SPMIP3: variants seen among roughly 807,000 people sequenced by gnomAD.
SPMIP3 encodes sperm microtubule inner protein 3.
the SPMIP3 span, among the ~76,000 whole-genome samples, chr1:244,360,439 T>A: frequency 6.7e-6 from 1 of 149,700 alleles, no homozygotes; most frequent in African/African-American, 2.5e-5. Flanking sequence ...GCAGCACTAT[T>A]CACAATAGCC....
the SPMIP3 span, among the ~76,000 whole-genome samples, chr1:244,373,441 T>C: frequency 7.2e-3 from 1,071 of 148,488 alleles, 11 homozygotes; most frequent in African/African-American, 0.025. Context: ...AGTTAGAGGC[T>C]ACAGTGAGCT....
chr1:244,354,410 G>A, the SPMIP3 span, among the ~76,000 whole-genome samples: 1 of 144,518 alleles, frequency 6.9e-6, no homozygotes, highest in Non-Finnish European at 1.5e-5. Context: ...AGGCTGGAGT[G>A]CAATGGCATA....
chr1:244,358,640 C>T, the SPMIP3 span, among the ~76,000 whole-genome samples: 5 of 149,986 alleles, frequency 3.3e-5, no homozygotes, highest in African/African-American at 1.0e-4. Flanking sequence ...TATATATATA[C>T]ACACACATAT....
At chr1:244,364,724 A>C in the SPMIP3 span, 6 of 1,613,962 alleles carry the variant, frequency 3.7e-6, no homozygotes, top group Non-Finnish European at 3.4e-6. Context: ...GACTACGAGA[A>C]TTTATTGAGC....
the SPMIP3 span, among the ~76,000 whole-genome samples, chr1:244,372,716 T>A: frequency 6.6e-6 from 1 of 152,168 alleles, no homozygotes; most frequent in Non-Finnish European, 1.5e-5. Context: ...GTGCTGGGAT[T>A]ACAGGCGCGA....
chr1:244,387,577 T>C, the SPMIP3 span, among the ~76,000 whole-genome samples: 23 of 152,312 alleles, frequency 1.5e-4, no homozygotes, highest in African/African-American at 5.5e-4. Flanking sequence ...TTCCTGGCTG[T>C]GTGGCCCTGG....
chr1:244,387,106 T>C, the SPMIP3 span, among the ~76,000 whole-genome samples: 975 of 152,256 alleles, frequency 6.4e-3, 7 homozygotes, highest in Non-Finnish European at 0.01. Flanking sequence ...AGTTCGAGAC[T>C]AGCCTGGCCA....
chr1:244,365,487 T>C, the SPMIP3 span, among the ~76,000 whole-genome samples: 1 of 152,204 alleles, frequency 6.6e-6, no homozygotes, highest in Non-Finnish European at 1.5e-5. Flanking sequence ...TCCTTTGCCT[T>C]CTGCCATGAT....
At chr1:244,385,294 C>T in the SPMIP3 span, among the ~76,000 whole-genome samples, 1 of 152,116 alleles carries the variant, frequency 6.6e-6, no homozygotes, top group Admixed American at 6.6e-5. Context: ...TAAATATAGA[C>T]CATGATAGAT....
At chr1:244,374,480 C>A in the SPMIP3 span, among the ~76,000 whole-genome samples, 6 of 151,970 alleles carry the variant, frequency 3.9e-5, no homozygotes, top group East Asian at 1.9e-4. Context: ...GTAGAAAAAA[C>A]CAGTATAATG....
At chr1:244,358,306 G>A in the SPMIP3 span, among the ~76,000 whole-genome samples, 54 of 151,804 alleles carry the variant, frequency 3.6e-4, no homozygotes, top group Admixed American at 2.8e-3. Context: ...TGTATGGGCC[G>A]GGCATAATGG....
chr1:244,365,725 C>T, the SPMIP3 span, among the ~76,000 whole-genome samples: 63 of 152,210 alleles, frequency 4.1e-4, no homozygotes, highest in African/African-American at 1.5e-3. Context: ...ACTGCAGAAT[C>T]CAAGCAAACA....
the SPMIP3 span, among the ~76,000 whole-genome samples, chr1:244,377,465 G>A: frequency 1.3e-5 from 2 of 152,146 alleles, no homozygotes; most frequent in African/African-American, 4.8e-5. Context: ...ACATATTTCT[G>A]CGTCATTGTC....
the SPMIP3 span, among the ~76,000 whole-genome samples, chr1:244,353,158 G>A: frequency 6.6e-6 from 1 of 152,198 alleles, no homozygotes; most frequent in Admixed American, 6.5e-5. Flanking sequence ...GTTAGGAGAA[G>A]GACAAAGAGA....
the SPMIP3 span, among the ~76,000 whole-genome samples, chr1:244,367,540 G>C: frequency 6.6e-6 from 1 of 152,150 alleles, no homozygotes; most frequent in African/African-American, 2.4e-5. Context: ...GGCGGAGGGT[G>C]GGGGCAACAA....
At chr1:244,378,469 C>A in the SPMIP3 span, 2 of 1,606,058 alleles carry the variant, frequency 1.2e-6, no homozygotes, top group African/African-American at 1.3e-5. Context: ...CCATTTAGAC[C>A]GCTCATAGAC....
the SPMIP3 span, among the ~76,000 whole-genome samples, chr1:244,365,196 G>C: frequency 1.3e-5 from 2 of 152,196 alleles, no homozygotes; most frequent in Non-Finnish European, 2.9e-5. Flanking sequence ...GTAAGTACCT[G>C]CTCTGACACC....
the SPMIP3 span, among the ~76,000 whole-genome samples, chr1:244,367,077 G>T: frequency 6.6e-6 from 1 of 152,104 alleles, no homozygotes; most frequent in African/African-American, 2.4e-5. Flanking sequence ...GGGGCAGGGG[G>T]TGGGAGAAGG....
the SPMIP3 span, among the ~76,000 whole-genome samples, chr1:244,383,460 G>A: frequency 6.6e-6 from 1 of 152,244 alleles, no homozygotes; most frequent in South Asian, 2.1e-4. Context: ...CATGAGGTAT[G>A]ATTATACTAC....
Sources: gnomAD v4.1 joint callset for allele counts (sites outside exome capture counted in the v4.1 genomes callset) on GRCh38, gnomAD v4.1.1 for gene constraint, MANE v1.5 for transcripts, NCBI Gene and HGNC (gene_info 2026-07-23, HGNC 2026-07-21) for gene names.